The following TCF4 variants were observed in gnomAD, a reference collection of about 807,000 sequenced individuals.
TCF4 encodes the protein transcription factor 4, also known as SL3-3 enhancer factor 2.
Under a neutral mutation model 82.1 loss-of-function variants are expected in TCF4, and 3 were observed. The observed-to-expected ratio is 0.04, with a 90% CI of 0.02 to 0.09. The LOEUF (loss-of-function observed/expected upper bound fraction) is 0.09, where lower values mean the gene tolerates loss of function less well. Ranked by LOEUF, TCF4 falls within the 10% of genes least tolerant of loss-of-function variation. The pLI is 1.00. For missense variants in TCF4, 518 were observed against 852.7 expected (o/e 0.61, Z 4.89); for synonymous variants, 276 against 309.6 (o/e 0.89, Z 1.14).
At chr18:55,511,102 T>C (rs2096823428) in intron 3 of TCF4, among the ~76,000 whole-genome samples, 1 of 152,116 alleles carries the variant, frequency 6.6e-6, no homozygotes, top group Non-Finnish European at 1.5e-5. Flanking sequence ...GGGGTAATAA[T>C]ATCCTGTTGA....
chr18:55,454,650 C>T (rs2095699547), intron 5 of TCF4, among the ~76,000 whole-genome samples: 1 of 152,126 alleles, frequency 6.6e-6, no homozygotes, highest in Admixed American at 6.5e-5. Context: ...GAAAACACAT[C>T]ACTGGCAAAG....
At position 55,326,470 on chromosome 18, in the gene TCF4, T is replaced by C. The variant is rs540830785; in HGVS notation, c.549+23889A>G. On this transcript the variant is annotated intron_variant, in intron 8 of 19. Transcript: ENST00000354452. Reference sequence around the variant, plus strand: ...TAGACTTAGGTGAAGTCTGCTAAAATGGAAAAAAGAATTATAAAAATACAG... The same window carrying C: ...TAGACTTAGGTGAAGTCTGCTAAAACGGAAAAAAGAATTATAAAAATACAG... Among the ~76,000 whole-genome samples the C allele has an allele frequency of 6.8e-4, 71 of 104,770 alleles. 2 individuals are homozygous for C. Among genetic ancestry groups the C allele is most frequent in the African/African-American group, 2.6e-3 (71 of 26,962 alleles). 68.7% of individuals were successfully genotyped at this position (104,770 alleles called of 152,430 possible).
At chr18:55,549,145 G>C (rs2097235152) in intron 3 of TCF4, among the ~76,000 whole-genome samples, 1 of 152,026 alleles carries the variant, frequency 6.6e-6, no homozygotes, top group Non-Finnish European at 1.5e-5. Context: ...CACAAAAAAT[G>C]CAAAAATTAG....
At position 55,322,441 on chromosome 18, in the gene TCF4, A is replaced by AC. The variant is rs1411160513; in HGVS notation, c.549+27917_549+27918insG. ...GGGAGGGAAGAAAAAAAAAAAAAAAAAAAAAAAAACACCACGTCTCTGACC... is the reference window on the plus strand; with the variant it reads ...GGGAGGGAAGAAAAAAAAAAAAAAAACAAAAAAAAACACCACGTCTCTGACC... On this transcript the variant is annotated intron_variant, in intron 8 of 19. Transcript: ENST00000354452. 1.4e-5 allele frequency: 14 copies of AC among 1,008,538 alleles called. No homozygotes were observed. The African/African-American group carries it at 2.4e-4, about 17-fold the overall frequency. The allele number at this position is 1,008,538 out of a possible 1,614,324, so 62.5% of individuals were successfully genotyped here. A position where few individuals can be genotyped will look rare whatever the true frequency, so the allele number is the denominator to read the frequency against.
chr18:55,275,295 A>AAC (rs1433374114), intron 10 of TCF4, among the ~76,000 whole-genome samples: 4 of 151,046 alleles, frequency 2.6e-5, no homozygotes, highest in Admixed American at 6.6e-5. Flanking sequence ...AAAAAAAAAA[A>AAC]AAACCAGGAA....
At chr18:55,301,847 T>C (rs2068425779) in intron 8 of TCF4, among the ~76,000 whole-genome samples, 1 of 143,872 alleles carries the variant, frequency 7.0e-6, no homozygotes, top group East Asian at 2.1e-4. Context: ...GAGTTATCAA[T>C]TCCCTTTCTC....
intron 6 of TCF4, among the ~76,000 whole-genome samples, chr18:55,355,478 T>C (rs1461945357): frequency 1.3e-5 from 2 of 152,144 alleles, no homozygotes; most frequent in African/African-American, 4.8e-5. Flanking sequence ...CTTACTACAG[T>C]AGCAGGAGGG....
chr18:55,321,557 G>C, intron 8 of TCF4: 1 of 1,408,216 alleles, frequency 7.1e-7, no homozygotes, highest in Non-Finnish European at 9.7e-7. Flanking sequence ...ATGGCACCCA[G>C]GAAGGTGCGG....
chr18:55,617,956 T>C (rs929798898), intron 2 of TCF4, among the ~76,000 whole-genome samples: 3 of 152,018 alleles, frequency 2.0e-5, no homozygotes, highest in Admixed American at 6.6e-5. Context: ...TCTTGTATAA[T>C]TGCTTTGTCT....
At chr18:55,574,188 C>G (rs2147624338) in intron 3 of TCF4, among the ~76,000 whole-genome samples, 1 of 152,236 alleles carries the variant, frequency 6.6e-6, no homozygotes, top group Middle Eastern at 3.4e-3. Flanking sequence ...CATTCGCCTT[C>G]CTTTATATTC....
At chr18:55,587,983 C>A (rs1400765950) in intron 1 of TCF4, 55 bp downstream of exon 1, 11 of 962,492 alleles carry the variant, frequency 1.1e-5, no homozygotes, top group Non-Finnish European at 1.4e-5. Flanking sequence ...CGAGCCCGAA[C>A]CCCGCGCCGC....
intron 8 of TCF4, among the ~76,000 whole-genome samples, chr18:55,301,088 G>C (rs1047783851): frequency 6.6e-6 from 1 of 152,112 alleles, no homozygotes; most frequent in Admixed American, 6.5e-5. Flanking sequence ...CCTCCCACCA[G>C]TGAGATAGTG....
intron 5 of TCF4, among the ~76,000 whole-genome samples, chr18:55,450,301 C>G (rs1361081431): frequency 3.9e-5 from 6 of 152,154 alleles, no homozygotes; most frequent in African/African-American, 1.4e-4. Flanking sequence ...ATACTACTTT[C>G]AAATGATGCT....
intron 6 of TCF4, among the ~76,000 whole-genome samples, chr18:55,354,182 A>T (rs2082933364): frequency 6.6e-6 from 1 of 152,312 alleles, no homozygotes; most frequent in African/African-American, 2.4e-5. Flanking sequence ...CTGTAACCAA[A>T]GAATAAAACA....
At chr18:55,240,840 T>C (rs2050987394) in intron 15 of TCF4, among the ~76,000 whole-genome samples, 1 of 152,210 alleles carries the variant, frequency 6.6e-6, no homozygotes, top group South Asian at 2.1e-4. Context: ...CTGGATTCAA[T>C]TCTTTTGTTT....
intron 5 of TCF4, among the ~76,000 whole-genome samples, chr18:55,436,699 G>A (rs899766588): frequency 6.6e-6 from 1 of 152,296 alleles, no homozygotes; most frequent in Admixed American, 6.5e-5. Context: ...GGTCAGGTCT[G>A]TATCCAGAAT....
intron 6 of TCF4, among the ~76,000 whole-genome samples, chr18:55,403,101 G>A (rs2093917014): frequency 1.3e-5 from 2 of 152,066 alleles, no homozygotes; most frequent in African/African-American, 2.4e-5. Flanking sequence ...ACATGACTCC[G>A]CGAAGTATTT....
At chr18:55,242,264 C>A (rs2051485506) in intron 15 of TCF4, among the ~76,000 whole-genome samples, 2 of 152,158 alleles carry the variant, frequency 1.3e-5, no homozygotes, top group South Asian at 2.1e-4. Context: ...TGGTGCAGGG[C>A]ATAAACTTCA....
chr18:55,316,736 G>A (rs1394088898), intron 8 of TCF4, among the ~76,000 whole-genome samples: 1 of 152,010 alleles, frequency 6.6e-6, no homozygotes, highest in Non-Finnish European at 1.5e-5. Flanking sequence ...GTATTTAAAA[G>A]ACTGCATCAA....
Sources: gnomAD v4.1 joint callset for allele counts (sites outside exome capture counted in the v4.1 genomes callset) on GRCh38, gnomAD v4.1.1 for gene constraint, MANE v1.5 for transcripts, NCBI Gene and HGNC (gene_info 2026-07-23, HGNC 2026-07-21) for gene names.